ITPR3: variants seen among roughly 807,000 people sequenced by gnomAD.
ITPR3 encodes inositol 1,4,5-trisphosphate-gated calcium channel ITPR3.
A neutral mutation model predicts 293.2 loss-of-function variants in ITPR3; 173 were observed. The ratio of observed to expected loss-of-function variants is 0.59; its 90% CI spans 0.52 to 0.67. The LOEUF (loss-of-function observed/expected upper bound fraction) is 0.67, where lower values mean the gene tolerates loss of function less well. Ranked by LOEUF, ITPR3 falls within the 30% of genes least tolerant of loss-of-function variation. The probability of loss-of-function intolerance (pLI) is 0.00; values close to 1 mark genes in which losing one functional copy is unlikely to be tolerated. For missense variants in ITPR3, 2,796 were observed against 3,592.1 expected (o/e 0.78, Z 5.66); for synonymous variants, 1,295 against 1,444.4 (o/e 0.90, Z 2.35).
At chr6:33,685,850 G>A in intron 41 of ITPR3, 23 bp downstream of exon 41, 1 of 1,552,432 alleles carries the variant, frequency 6.4e-7, no homozygotes, top group Non-Finnish European at 8.7e-7. Context: ...CCACACACCT[G>A]CCCCTTCCCC....
chr6:33,662,736 C>T (rs1220443640), intron 8 of ITPR3, 62 bp downstream of exon 8: 10 of 1,587,886 alleles, frequency 6.3e-6, no homozygotes, highest in Middle Eastern at 1.8e-4. Context: ...CTCCCTCTTC[C>T]CCACCATCCT....
At chr6:33,637,876 T>A (rs1013423207) in intron 1 of ITPR3, among the ~76,000 whole-genome samples, 9 of 151,948 alleles carry the variant, frequency 5.9e-5, no homozygotes, top group African/African-American at 1.9e-4. Flanking sequence ...CTCAAACTCC[T>A]GACCTCAGGT....
intron 33 of ITPR3, among the ~76,000 whole-genome samples, 179 bp downstream of exon 33, chr6:33,680,859 C>T (rs191751496): frequency 2.0e-3 from 273 of 139,966 alleles, no homozygotes; most frequent in African/African-American, 6.9e-3. Flanking sequence ...TTCACTCTGT[C>T]GCCCAGGCTG....
chr6:33,681,815 T>C (rs999014497), intron 33 of ITPR3, among the ~76,000 whole-genome samples: 1 of 152,060 alleles, frequency 6.6e-6, no homozygotes, highest in Admixed American at 6.5e-5. Flanking sequence ...GTAATTGATA[T>C]CAGCTTTCCC....
chr6:33,653,260 T>C (rs1561858877), intron 2 of ITPR3, among the ~76,000 whole-genome samples: 1 of 150,262 alleles, frequency 6.7e-6, no homozygotes, highest in Non-Finnish European at 1.5e-5. Flanking sequence ...TTGCTGCCTG[T>C]TGATAATTTT....
rs1424681599 is a variant in ITPR3 at position 33,640,471 on chromosome 6, C to T, written c.90-13C>T. 10 of 1,612,506 alleles carry T rather than the reference C, an allele frequency of 6.2e-6. No homozygotes were observed. The highest frequency in any genetic ancestry group is 7.6e-6 in the Non-Finnish European group (9 of 1,179,342). The stretch of plus-strand genomic sequence containing the variant: ...CTCTTCTCTCCTGCTGACCGAGCTG[C>T]TTTGTTCCCCAGGCTGGTGGATGAC... On this transcript the variant is annotated splice_polypyrimidine_tract_variant and intron_variant, in intron 1 of 57. Coordinates refer to ENST00000605930, the MANE Select transcript of ITPR3 (RefSeq NM_002224.4).
intron 1 of ITPR3, among the ~76,000 whole-genome samples, chr6:33,639,423 G>T (rs1763898111): frequency 6.6e-6 from 1 of 151,832 alleles, no homozygotes; most frequent in African/African-American, 2.4e-5. Flanking sequence ...ACCAACCCAG[G>T]GAGAGGAGGT....
chr6:33,683,506 C>A lies in ITPR3; in HGVS notation c.4788+109C>A. 1.0e-6 allele frequency: 1 copy of A among 962,776 alleles called. No homozygotes were observed. Among genetic ancestry groups the A allele is most frequent in the Non-Finnish European group, 1.5e-6 (1 of 672,148 alleles). 59.6% of individuals were successfully genotyped at this position (962,776 alleles called of 1,614,324 possible). A position where few individuals can be genotyped will look rare whatever the true frequency, so the allele number is the denominator to read the frequency against. On this transcript the variant is annotated intron_variant, in intron 35 of 57. Transcript: ENST00000605930. This position sits in a 1 kb window ranked among gnomAD's most constrained non-coding sequence, Gnocchi z 4.5. ...GGGGAGTGTTTCTTCCTGTCCTGCC[C>A]ACACTTCCAGGAAGGGGCTGGTTGG...
rs955667034 is a variant in ITPR3 at position 33,669,219 on chromosome 6, C to T, written c.2189+63C>T. 10 of 1,513,420 alleles carry T rather than the reference C, an allele frequency of 6.6e-6. No individual in the cohort carries two copies. In the African/African-American group the frequency reaches 1.1e-4, roughly 17 times the overall value. 93.7% of individuals were successfully genotyped at this position (1,513,420 alleles called of 1,614,324 possible). On this transcript the variant is annotated intron_variant, in intron 18 of 57. Coordinates refer to ENST00000605930, the MANE Select transcript of ITPR3 (RefSeq NM_002224.4). ...CCTTTGGGCCTTCTCAGTAGGCCGT[C>T]AGTCAATCCCTGCTGAGGATGAGCT...
rs1206584364 is a variant in ITPR3 at position 33,621,367 on chromosome 6, GGGCGGGCGGGC to G, written c.-227_-217del. 2 of 246,784 alleles carry G rather than the reference GGGCGGGCGGGC, an allele frequency of 8.1e-6. No homozygotes were observed. Among genetic ancestry groups the G allele is most frequent in the East Asian group, 8.0e-5 (1 of 12,564 alleles). The allele number at this position is 246,784 out of a possible 1,614,324, so 15.3% of individuals were successfully genotyped here. A position where few individuals can be genotyped will look rare whatever the true frequency, so the allele number is the denominator to read the frequency against. On this transcript the variant is annotated 5_prime_UTR_variant, in exon 1 of 58. Coordinates refer to ENST00000605930, the MANE Select transcript of ITPR3 (RefSeq NM_002224.4). This position sits in a 1 kb window ranked among gnomAD's most constrained non-coding sequence, Gnocchi z 7.7. Reference sequence around the variant, plus strand: ...GCTGCAGGTACGCGCGGGCCGGGCGGGGCGGGCGGGCGGCGGGCGCGCCAAGACGTGGGCAC... The same window carrying G: ...GCTGCAGGTACGCGCGGGCCGGGCGGGGCGGGCGCGCCAAGACGTGGGCAC...
intron 2 of ITPR3, among the ~76,000 whole-genome samples, chr6:33,640,812 TC>T (rs1438213317): frequency 6.6e-6 from 1 of 152,128 alleles, no homozygotes; most frequent in Non-Finnish European, 1.5e-5. Context: ...GGGCCCATTC[TC>T]CCCCCAAAAT....
chr6:33,689,515 CCCT>C (rs902979665), intron 50 of ITPR3, 105 bp downstream of exon 50: 20 of 1,306,886 alleles, frequency 1.5e-5, no homozygotes, highest in Non-Finnish European at 1.8e-5. Context: ...CTGTCCCATC[CCCT>C]CCTCTCTGTT....
chr6:33,689,260 C>G lies in ITPR3; in HGVS notation c.6717C>G (p.Ile2239Met), dbSNP rs1765325090. 3.1e-6 allele frequency: 5 copies of G among 1,611,032 alleles called. No individual in the cohort carries two copies. The highest frequency in any genetic ancestry group is 4.2e-6 in the Non-Finnish European group (5 of 1,180,002). ...ASTGVLDSPL[I>M]SLLFWILICF... ...CAGGCGTGCTGGACTCCCCTCTCATCTCATTGCTCTTCTGGATCCTCATCT... is the reference window on the plus strand; with the variant it reads ...CAGGCGTGCTGGACTCCCCTCTCATGTCATTGCTCTTCTGGATCCTCATCT... The change falls in exon 50 of 58, where the codon ATC (isoleucine) becomes ATG (methionine). Residue 2239 changes from isoleucine to methionine, a missense_variant. Ile to Met is a conservative substitution (Grantham distance 10, BLOSUM62 1). Around this residue, in one of 8 missense-constraint regions of ITPR3, gnomAD observed 568 missense variants for 796.1 expected, o/e 0.71. Transcript: ENST00000605930.
rs1561861635 is a variant in ITPR3, at chr6:33,658,666, C to G, written c.370-4C>G. ...GACCTTCCCGCACCCCACCTGACCC[C>G]CAGCTCCTGCACATGAAGAGCAACA... On this transcript the variant is annotated splice_polypyrimidine_tract_variant and splice_region_variant and intron_variant, in intron 4 of 57. Transcript: ENST00000605930. This position sits in a 1 kb window ranked among gnomAD's most constrained non-coding sequence, Gnocchi z 6.1. The G allele has an allele frequency of 6.2e-7, 1 of 1,613,842 alleles. No individual in the cohort carries two copies. Among genetic ancestry groups the G allele is most frequent in the Admixed American group, 1.7e-5 (1 of 60,004 alleles).
chr6:33,659,434 C>G, intron 6 of ITPR3, 32 bp from the exon 7 acceptor site: 1 of 1,601,446 alleles, frequency 6.2e-7, no homozygotes, highest in Non-Finnish European at 8.6e-7. Flanking sequence ...TGGGGTCCAC[C>G]TGGCGTCACG....
chr6:33,670,363 G>A lies in ITPR3; in HGVS notation c.2228G>A (p.Arg743His). 1.9e-6 allele frequency: 3 copies of A among 1,614,038 alleles called. No individual in the cohort carries two copies. Among genetic ancestry groups the A allele is most frequent in the Non-Finnish European group, 2.5e-6 (3 of 1,180,038 alleles). ...LKLFARMCLD[R>H]QYLAIDEISQ... ...CTCTTTGCCCGCATGTGCTTGGACC[G>A]CCAGTACTTGGCCATCGACGAGATC... The change falls in exon 19 of 58, where the codon CGC becomes CAC. Residue 743 changes from arginine to histidine, a missense_variant. Around this residue, in one of 8 missense-constraint regions of ITPR3, gnomAD observed 955 missense variants for 1,180.8 expected, o/e 0.81. Transcript: ENST00000605930. This position sits in a 1 kb window ranked among gnomAD's most constrained non-coding sequence, Gnocchi z 6.7.
Position 33,690,215 on chromosome 6 carries a change from G to A in ITPR3, c.7032+17G>A, listed in dbSNP as rs939520141. On this transcript the variant is annotated intron_variant, in intron 51 of 57. Transcript: ENST00000605930. ...AGCATCCTGGTGAGGCCTTCTGGGT[G>A]GGCTGGGGCTGGATGGGGGCATGGG... is the stretch of plus-strand genomic sequence containing the variant. 6.2e-7 allele frequency: 1 copy of A among 1,611,108 alleles called. No individual in the cohort carries two copies. Among genetic ancestry groups the A allele is most frequent in the African/African-American group, 1.3e-5 (1 of 74,984 alleles).
intron 1 of ITPR3, among the ~76,000 whole-genome samples, chr6:33,637,657 T>G (rs1763854645): frequency 1.4e-5 from 2 of 147,752 alleles, no homozygotes; most frequent in Non-Finnish European, 3.0e-5. Flanking sequence ...TAGACGGAGT[T>G]TTGCTCTGTT....
chr6:33,630,700 A>G (rs896250608), intron 1 of ITPR3, among the ~76,000 whole-genome samples: 1 of 152,140 alleles, frequency 6.6e-6, no homozygotes, highest in African/African-American at 2.4e-5. Context: ...CTTTATTTCT[A>G]CTGGGCCAAG....
Sources: allele counts gnomAD v4.1 joint callset (sites outside exome capture counted in the v4.1 genomes callset), GRCh38; gene constraint gnomAD v4.1.1; regional missense constraint gnomAD v4.1.1; non-coding constraint Gnocchi (gnomAD v3.1); transcripts MANE v1.5; gene names NCBI Gene and HGNC (gene_info 2026-07-23, HGNC 2026-07-21).